SV2B: variants seen among roughly 807,000 people sequenced by gnomAD.
SV2B encodes the protein solute carrier family 22 member B2.
A neutral mutation model predicts 73.9 loss-of-function variants in SV2B; 41 were observed. The observed-to-expected ratio is 0.56, with a 90% CI of 0.43 to 0.72. SV2B has a LOEUF of 0.72. SV2B is among the 30% of genes least tolerant of loss of function. The pLI, the probability that SV2B is intolerant of heterozygous loss-of-function variation, is 0.00. For synonymous variants in SV2B, 314 were observed against 314.2 expected, an observed-to-expected ratio of 1.00 and a Z score of 0.01; for missense variants, 764 against 857.8, an observed-to-expected ratio of 0.89 and a Z score of 1.37.
intron 1 of SV2B, among the ~76,000 whole-genome samples, chr15:91,202,182 A>T (rs1240308174): frequency 6.6e-6 from 1 of 152,118 alleles, no homozygotes; most frequent in Non-Finnish European, 1.5e-5. Context: ...ACCTGCTTAA[A>T]TTTCTGCCTA....
chr15:91,153,917 C>G (rs1209159441), intron 1 of SV2B, among the ~76,000 whole-genome samples: 2 of 152,058 alleles, frequency 1.3e-5, no homozygotes, highest in African/African-American at 4.8e-5. Flanking sequence ...TGAGGTTTCT[C>G]TAGTCTCCTG....
In SV2B at chr15:91,298,189, A is replaced by G. The variant is rs761368108; in HGVS notation, c.*5637A>G. On this transcript the variant is annotated 3_prime_UTR_variant, in exon 13 of 13. Transcript: ENST00000394232. The surrounding 1 kb of genome is among the most constrained non-coding windows in gnomAD (Gnocchi z 5.4). ...GACAGAGTGGAGCAAATTTCTCTAC[A>G]TAGATCTCATTCGAAAACAAATTTA... 3.3e-5 allele frequency: 5 copies of G among 152,196 alleles called. No homozygotes were observed. Among genetic ancestry groups the G allele is most frequent in the Non-Finnish European group, 7.3e-5 (5 of 68,044 alleles). 9.4% of individuals were successfully genotyped at this position (152,196 alleles called of 1,614,324 possible).
intron 9 of SV2B, among the ~76,000 whole-genome samples, chr15:91,269,576 G>A (rs2048226181): frequency 6.6e-6 from 1 of 152,158 alleles, no homozygotes; most frequent in African/African-American, 2.4e-5. Context: ...ACCCACATAT[G>A]CGTCTGGTGT....
rs1004029970 is a variant in SV2B at position 91,128,457 on chromosome 15, T to C, written c.-392+28094T>C. 6.6e-6 allele frequency among the ~76,000 whole-genome samples: 1 copy of C among 152,182 alleles called. No individual in the cohort carries two copies. The highest frequency in any genetic ancestry group is 1.5e-5 in the Non-Finnish European group (1 of 68,040). ...TGAATATGAGATCCCTACATTGCTATTGGCGCTCAGAAAACAATATCCAAA... is the reference window on the plus strand; with the variant it reads ...TGAATATGAGATCCCTACATTGCTACTGGCGCTCAGAAAACAATATCCAAA... On this transcript the variant is annotated intron_variant, in intron 1 of 12. Coordinates refer to ENST00000394232, the MANE Select transcript of SV2B (RefSeq NM_001323032.3). The surrounding 1 kb of genome is among the most constrained non-coding windows in gnomAD (Gnocchi z 4.2).
intron 1 of SV2B, among the ~76,000 whole-genome samples, chr15:91,134,369 G>A (rs558569473): frequency 6.6e-6 from 1 of 152,250 alleles, no homozygotes; most frequent in South Asian, 2.1e-4. Flanking sequence ...TGATAAGGAT[G>A]TTGCTACAAT....
At position 91,292,944 on chromosome 15, in the gene SV2B, G is replaced by A. The variant is rs1452270801; in HGVS notation, c.*392G>A. 1 of 159,040 alleles carries A rather than the reference G, an allele frequency of 6.3e-6. No individual in the cohort carries two copies. Among genetic ancestry groups the A allele is most frequent in the Non-Finnish European group, 1.4e-5 (1 of 72,994 alleles). The allele number at this position is 159,040 out of a possible 1,614,324, so 9.9% of individuals were successfully genotyped here. A position where few individuals can be genotyped will look rare whatever the true frequency, so the allele number is the denominator to read the frequency against. On this transcript the variant is annotated 3_prime_UTR_variant, in exon 13 of 13. Coordinates refer to ENST00000394232, the MANE Select transcript of SV2B (RefSeq NM_001323032.3). ...CCAGGTTCCTCCAGAAAGCTCCTTG[G>A]AGCCCAACAACTTAACAAATCAACT...
chr15:91,276,772 C>A (rs2048501438), intron 9 of SV2B, among the ~76,000 whole-genome samples: 1 of 148,708 alleles, frequency 6.7e-6, no homozygotes, highest in South Asian at 2.1e-4. Flanking sequence ...AAATTCCCTG[C>A]CTGATAGTTC....
rs562804337 is a variant in SV2B, at chr15:91,123,338, A to C, written c.-392+22975A>C. ...CTTATCATACACACATACACACACA[A>C]AAAGATAAGTCTGTGAGGTTTAGCT... On this transcript the variant is annotated intron_variant, in intron 1 of 12. Transcript: ENST00000394232. This position sits in a 1 kb window ranked among gnomAD's most constrained non-coding sequence, Gnocchi z 4.7. Among the ~76,000 whole-genome samples, 3 of 152,226 alleles carry C rather than the reference A, an allele frequency of 2.0e-5. No individual in the cohort carries two copies. The highest frequency in any genetic ancestry group is 7.2e-5 in the African/African-American group (3 of 41,464).
intron 11 of SV2B, among the ~76,000 whole-genome samples, chr15:91,286,013 G>A (rs1424401823): frequency 1.3e-5 from 2 of 152,266 alleles, no homozygotes; most frequent in South Asian, 4.1e-4. Flanking sequence ...ATAAAGGCAC[G>A]CTCTCGAATG....
chr15:91,144,894 CTG>C (rs1253987634), intron 1 of SV2B, among the ~76,000 whole-genome samples: 6 of 118,192 alleles, frequency 5.1e-5, no homozygotes, highest in Admixed American at 1.6e-4. Flanking sequence ...ATGAAGAGAA[CTG>C]TTTTTTTTTT....
At chr15:91,134,217 C>T (rs746443635) in intron 1 of SV2B, among the ~76,000 whole-genome samples, 41 of 151,944 alleles carry the variant, frequency 2.7e-4, no homozygotes, top group Non-Finnish European at 1.0e-4. Context: ...AGGCTAGTCT[C>T]GAACTCCTGA....
chr15:91,162,128 C>T (rs2043741846), intron 1 of SV2B, among the ~76,000 whole-genome samples: 1 of 152,080 alleles, frequency 6.6e-6, no homozygotes, highest in African/African-American at 2.4e-5. Context: ...AGGAAATGAG[C>T]AGTCTGTTTA....
intron 1 of SV2B, among the ~76,000 whole-genome samples, chr15:91,144,026 T>C (rs1031663243): frequency 2.0e-5 from 3 of 152,240 alleles, no homozygotes; most frequent in Non-Finnish European, 4.4e-5. Flanking sequence ...GTTTCATTCT[T>C]GGAGAAGGTA....
At chr15:91,181,073 T>C (rs1459636651) in intron 1 of SV2B, among the ~76,000 whole-genome samples, 2 of 152,196 alleles carry the variant, frequency 1.3e-5, no homozygotes, top group African/African-American at 2.4e-5. Flanking sequence ...GGGTTTTTGG[T>C]GTGGATGTCC....
intron 1 of SV2B, among the ~76,000 whole-genome samples, chr15:91,181,204 A>G (rs1159340404): frequency 6.6e-6 from 1 of 152,200 alleles, no homozygotes; most frequent in Non-Finnish European, 1.5e-5. Flanking sequence ...TCTGCATAAC[A>G]GCGGATTTTT....
At chr15:91,285,370 G>A (rs1270618170) in intron 11 of SV2B, among the ~76,000 whole-genome samples, 3 of 152,168 alleles carry the variant, frequency 2.0e-5, no homozygotes, top group African/African-American at 7.2e-5. Context: ...TGGGGGAAGG[G>A]ACAATGGCTT....
intron 1 of SV2B, among the ~76,000 whole-genome samples, chr15:91,180,214 T>C (rs956292343): frequency 6.6e-6 from 1 of 152,234 alleles, no homozygotes; most frequent in Non-Finnish European, 1.5e-5. Context: ...GAATGTTGAA[T>C]ATTGGCCCCC....
intron 6 of SV2B, among the ~76,000 whole-genome samples, chr15:91,263,944 G>T (rs1016842811): frequency 2.0e-5 from 3 of 152,202 alleles, no homozygotes; most frequent in African/African-American, 7.2e-5. Flanking sequence ...TTTTAAATCT[G>T]AGAGTGTCTT....
At position 91,241,613 on chromosome 15, in the gene SV2B, G is replaced by A. The variant is rs142340500; in HGVS notation, c.452-10206G>A. On this transcript the variant is annotated intron_variant, in intron 2 of 12. Transcript: ENST00000394232. This position sits in a 1 kb window ranked among gnomAD's most constrained non-coding sequence, Gnocchi z 4.8. ...TGAACTGAGAACAACAGAAGTAACC[G>A]GAGAAGAACTTCTATAGCCCCTGTT... 1.8e-4 allele frequency among the ~76,000 whole-genome samples: 28 copies of A among 152,178 alleles called. No homozygotes were observed. Among genetic ancestry groups the A allele is most frequent in the Non-Finnish European group, 3.1e-4 (21 of 67,992 alleles).
Sources: gnomAD v4.1 joint callset for allele counts (sites outside exome capture counted in the v4.1 genomes callset) on GRCh38, gnomAD v4.1.1 for gene constraint, Gnocchi (gnomAD v3.1) non-coding constraint, MANE v1.5 for transcripts, NCBI Gene and HGNC (gene_info 2026-07-23, HGNC 2026-07-21) for gene names.